ECE2: variants seen among roughly 807,000 people sequenced by gnomAD.
The protein encoded by ECE2 is endothelin converting enzyme 2.
In ECE2, 81 loss-of-function variants were observed where a neutral mutation model predicts 100.6. That is an observed-to-expected ratio of 0.81 (90% CI 0.67 to 0.97). The LOEUF (loss-of-function observed/expected upper bound fraction) is 0.97, where lower values mean the gene tolerates loss of function less well. Ranked by LOEUF, ECE2 falls within the 50% of genes least tolerant of loss-of-function variation. The pLI is 0.00. For synonymous variants in ECE2, 391 were observed against 391.5 expected (o/e 1.00, Z 0.02); for missense variants, 911 against 988.1 (o/e 0.92, Z 1.05).
At position 184,291,522 on chromosome 3, in the gene ECE2, G is replaced by C. The variant is rs564156751; in HGVS notation, c.2121+83G>C. On this transcript the variant is annotated intron_variant, in intron 18 of 18. Coordinates refer to ENST00000404464, the MANE Select transcript of ECE2 (RefSeq NM_001100121.2). This position sits in a 1 kb window ranked among gnomAD's most constrained non-coding sequence, Gnocchi z 4.1. ...TGTCATTAGGAGAACTCTGGGGCAC[G>C]TGTCAAACGGGCTGGTGAATGGGGC... 1.8e-4 allele frequency: 233 copies of C among 1,281,004 alleles called. No homozygotes were observed. In the African/African-American group the frequency reaches 3.2e-3, roughly 18 times the overall value. 79.4% of individuals were successfully genotyped at this position (1,281,004 alleles called of 1,614,324 possible).
chr3:184,285,726 CTT>C, intron 10 of ECE2, 134 bp downstream of exon 10: 1 of 671,516 alleles, frequency 1.5e-6, no homozygotes. Context: ...AGCAAGCCGA[CTT>C]GCGTTTCAAT....
intron 8 of ECE2, 150 bp downstream of exon 8, chr3:184,284,123 G>C: frequency 9.8e-7 from 1 of 1,017,066 alleles, no homozygotes; most frequent in East Asian, 2.6e-5. Flanking sequence ...CTGCTGTCCT[G>C]GGGAAAAAAA....
chr3:184,276,066 C>T lies in ECE2; in HGVS notation c.-88C>T. On this transcript the variant is annotated 5_prime_UTR_variant, in exon 1 of 19. The change creates a new upstream start codon in the 5' untranslated region. Coordinates refer to ENST00000404464, the MANE Select transcript of ECE2 (RefSeq NM_001100121.2). ...GCGCGGCGGCCGTGATGGCTGGTGA[C>T]GGCGGGGCCGGGCAGGGGACCGGGG... The T allele has an allele frequency of 8.3e-7, 1 of 1,202,272 alleles. No homozygotes were observed. Among genetic ancestry groups the T allele is most frequent in the Non-Finnish European group, 1.0e-6 (1 of 968,416 alleles). The allele number at this position is 1,202,272 out of a possible 1,614,324, so 74.5% of individuals were successfully genotyped here. A position where few individuals can be genotyped will look rare whatever the true frequency, so the allele number is the denominator to read the frequency against.
At chr3:184,276,247 A>G (rs953035773) in intron 1 of ECE2, 55 bp downstream of exon 1, 9 of 1,437,766 alleles carry the variant, frequency 6.3e-6, no homozygotes, top group Admixed American at 5.9e-5. Context: ...GGGACGAGGC[A>G]GAGGGGTCGG....
In ECE2 at chr3:184,277,481, T is replaced by C. The variant is rs1327513519; in HGVS notation, c.478+15T>C. 3 of 1,612,936 alleles carry C rather than the reference T, an allele frequency of 1.9e-6. No homozygotes were observed. In the African/African-American group the frequency reaches 4.0e-5, roughly 22 times the overall value. ...GCACCTGCTTGGTGAGTGGGGCTGTTAGGGAGGCCTTGGGCCACCTATGTG... is the reference window on the plus strand; with the variant it reads ...GCACCTGCTTGGTGAGTGGGGCTGTCAGGGAGGCCTTGGGCCACCTATGTG... On this transcript the variant is annotated intron_variant, in intron 4 of 18. Transcript: ENST00000404464.
intron 6 of ECE2, 80 bp downstream of exon 6, chr3:184,278,393 C>G (rs1225592641): frequency 1.3e-6 from 2 of 1,588,128 alleles, no homozygotes; most frequent in Non-Finnish European, 1.7e-6. Context: ...GACAGGCAGG[C>G]TGGGCTGACC....
rs755011871 is a variant in ECE2 at position 184,276,935 on chromosome 3, C to T, written c.170C>T (p.Thr57Met). The T allele has an allele frequency of 2.4e-5, 39 of 1,614,086 alleles. No homozygotes were observed. The highest frequency in any genetic ancestry group is 7.7e-5 in the South Asian group (7 of 91,096). The change falls in exon 3 of 19, where the codon ACG (threonine) becomes ATG (methionine). Residue 57 changes from threonine to methionine, a missense_variant. Physicochemically the swap from Thr to Met is moderately conservative, Grantham distance 81. Coordinates refer to ENST00000404464, the MANE Select transcript of ECE2 (RefSeq NM_001100121.2). ...KGTRQLLGSR[T>M]QLELVLAGAS... ...ACAAGACAGCTGTTAGGCTCACGCA[C>T]GCAGCTGGAGCTGGTCTTAGCAGGT...
chr3:184,289,063 G>A lies in ECE2; in HGVS notation c.1375-374G>A, dbSNP rs1721189065. ...CTAGCTACTTGGGAGGCTGAGGCAGGAGAATCGCTTGAACTCGGGAGGCGG... is the reference window on the plus strand; with the variant it reads ...CTAGCTACTTGGGAGGCTGAGGCAGAAGAATCGCTTGAACTCGGGAGGCGG... On this transcript the variant is annotated intron_variant, in intron 11 of 18. Transcript: ENST00000404464. This position sits in a 1 kb window ranked among gnomAD's most constrained non-coding sequence, Gnocchi z 4.1. Among the ~76,000 whole-genome samples the A allele has an allele frequency of 6.6e-6, 1 of 151,758 alleles. No homozygotes were observed. Among genetic ancestry groups the A allele is most frequent in the Admixed American group, 6.6e-5 (1 of 15,230 alleles).
chr3:184,286,743 C>A (rs1721050181), intron 10 of ECE2, among the ~76,000 whole-genome samples: 3 of 149,118 alleles, frequency 2.0e-5, no homozygotes, highest in Admixed American at 6.7e-5. Context: ...GTTGCAGTGA[C>A]CTGAGACTGC....
rs376290550 is a variant in ECE2 at position 184,277,290 on chromosome 3, G to C, written c.302G>C (p.Arg101Pro). The part of the protein sequence containing the change: ...HSTCLTEACI[R>P]VAGKILESLD... ...ACCTGCCTTACAGAGGCCTGCATTC[G>C]AGTGGCTGGAAAAATCCTGGAGTCC... The change falls in exon 4 of 19, where the codon CGA becomes CCA. Residue 101 changes from arginine to proline, a missense_variant. Coordinates refer to ENST00000404464, the MANE Select transcript of ECE2 (RefSeq NM_001100121.2). 1.2e-6 allele frequency: 2 copies of C among 1,614,192 alleles called. No individual in the cohort carries two copies. The highest frequency in any genetic ancestry group is 1.1e-5 in the South Asian group (1 of 91,076).
At position 184,289,853 on chromosome 3, in the gene ECE2, C is replaced by T; in HGVS notation, c.1551+135C>T. 1 of 765,704 alleles carries T rather than the reference C, an allele frequency of 1.3e-6. No individual in the cohort carries two copies. Among genetic ancestry groups the T allele is most frequent in the Non-Finnish European group, 2.0e-6 (1 of 490,040 alleles). 47.4% of individuals were successfully genotyped at this position (765,704 alleles called of 1,614,324 possible). ...TTTAGAGGCAGATGGAGGTAACCAG[C>T]ATTGTTAAAATGTTGGCTCTGTGAC... On this transcript the variant is annotated intron_variant, in intron 13 of 18. Coordinates refer to ENST00000404464, the MANE Select transcript of ECE2 (RefSeq NM_001100121.2). This position sits in a 1 kb window ranked among gnomAD's most constrained non-coding sequence, Gnocchi z 4.1.
At chr3:184,286,160 C>G (rs1358853632) in intron 10 of ECE2, among the ~76,000 whole-genome samples, 1 of 152,018 alleles carries the variant, frequency 6.6e-6, no homozygotes, top group Non-Finnish European at 1.5e-5. Flanking sequence ...AAAAGTTCAC[C>G]AAGAAAGCCG....
At chr3:184,284,126 G>GA (rs555412938) in intron 8 of ECE2, among the ~76,000 whole-genome samples, 153 bp downstream of exon 8, 58 of 152,054 alleles carry the variant, frequency 3.8e-4, no homozygotes, top group African/African-American at 1.3e-3. Flanking sequence ...CTGTCCTGGG[G>GA]AAAAAAATGG....
In ECE2 at chr3:184,291,397, G is replaced by A; in HGVS notation, c.2079G>A (p.Val693=). The A allele has an allele frequency of 6.2e-7, 1 of 1,607,064 alleles. No homozygotes were observed. Among genetic ancestry groups the A allele is most frequent in the Non-Finnish European group, 8.5e-7 (1 of 1,176,318 alleles). ...GGGAGGAGCAGCAACTGCCAGCCGT[G>A]GGGCTCACCAACCACCAGCTCTTCT... is the stretch of plus-strand genomic sequence containing the variant. The part of the protein sequence containing the change: ...KHGEEQQLPA[V]GLTNHQLFFV... The change falls in exon 18 of 19, where the codon GTG becomes GTA. Residue 693 remains valine (V), a synonymous_variant. Transcript: ENST00000404464. The surrounding 1 kb of genome is among the most constrained non-coding windows in gnomAD (Gnocchi z 4.1).
intron 11 of ECE2, among the ~76,000 whole-genome samples, chr3:184,288,309 C>CAAAA (rs10608428): frequency 9.9e-4 from 90 of 91,310 alleles, no homozygotes; most frequent in Non-Finnish European, 1.3e-3. Flanking sequence ...AACTCTGTCT[C>CAAAA]AAAAAAAAAA....
intron 11 of ECE2, 50 bp downstream of exon 11, chr3:184,287,997 A>T: frequency 6.4e-7 from 1 of 1,551,048 alleles, no homozygotes; most frequent in East Asian, 2.3e-5. Context: ...TTGACTGTTC[A>T]TGTATGTGCA....
At chr3:184,278,406 C>A (rs1720667231) in intron 6 of ECE2, 86 bp from the exon 7 acceptor site, 1 of 1,586,266 alleles carries the variant, frequency 6.3e-7, no homozygotes, top group East Asian at 2.2e-5. Context: ...GGCTGACCCC[C>A]CGGCCCCACC....
In ECE2 at chr3:184,290,312, G is replaced by A. The variant is rs1721250755; in HGVS notation, c.1609G>A (p.Ala537Thr). The A allele has an allele frequency of 6.2e-7, 1 of 1,613,992 alleles. No individual in the cohort carries two copies. Among genetic ancestry groups the A allele is most frequent in the Non-Finnish European group, 8.5e-7 (1 of 1,180,028 alleles). ...CATGTTGAATTTGTACAACTTCTCTGCCAAGGTTATGGCTGACCAGCTCCG... is the reference window on the plus strand; with the variant it reads ...CATGTTGAATTTGTACAACTTCTCTACCAAGGTTATGGCTGACCAGCTCCG... ...QNMLNLYNFS[A>T]KVMADQLRKP... Residue 537 changes from alanine (A) to threonine (T), a missense_variant, in exon 14 of 19, where the codon GCC (alanine) becomes ACC (threonine). Coordinates refer to ENST00000404464, the MANE Select transcript of ECE2 (RefSeq NM_001100121.2).
At chr3:184,281,234 G>C (rs1440575532) in intron 7 of ECE2, among the ~76,000 whole-genome samples, 1 of 152,206 alleles carries the variant, frequency 6.6e-6, no homozygotes, top group Non-Finnish European at 1.5e-5. Flanking sequence ...ACTACCCTCT[G>C]AGTGGAGGAG....
Sources: allele counts gnomAD v4.1 joint callset (sites outside exome capture counted in the v4.1 genomes callset), GRCh38; gene constraint gnomAD v4.1.1; non-coding constraint Gnocchi (gnomAD v3.1); transcripts MANE v1.5; gene names NCBI Gene and HGNC (gene_info 2026-07-23, HGNC 2026-07-21).